Variants in ABCC8 observed in about 807,000 individuals in gnomAD.
The protein encoded by ABCC8 is ATP binding cassette subfamily C member 8.
A neutral mutation model predicts 188.0 loss-of-function variants in ABCC8; 137 were observed. That is an observed-to-expected ratio of 0.73 (90% confidence interval 0.63 to 0.84). ABCC8 has a LOEUF of 0.84. Among genes scored for constraint, ABCC8 ranks in the 40% least tolerant of loss-of-function variants. The pLI is 0.00. For missense variants in ABCC8, 1,750 were observed against 2,072.7 expected (o/e 0.84, Z 3.02); for synonymous variants, 797 against 846.5 (o/e 0.94, Z 1.01).
At chr11:17,421,476 C>T (rs923475853) in intron 16 of ABCC8, among the ~76,000 whole-genome samples, 9 of 152,080 alleles carry the variant, frequency 5.9e-5, no homozygotes, top group Non-Finnish European at 8.8e-5. Context: ...CAAGTGAATT[C>T]GTTTAGCAAA....
intron 26 of ABCC8, 71 bp downstream of exon 26, chr11:17,406,551 A>G: frequency 2.0e-6 from 3 of 1,467,780 alleles, no homozygotes; most frequent in South Asian, 2.5e-5. Context: ...CCCATTTTAT[A>G]GATGGGAAGA....
At chr11:17,474,401 A>AAGGTGGGC (rs1478066061) in intron 2 of ABCC8, among the ~76,000 whole-genome samples, 1 of 152,066 alleles carries the variant, frequency 6.6e-6, no homozygotes, top group Non-Finnish European at 1.5e-5. Context: ...GCCCAAACGG[A>AAGGTGGGC]AGGTGGGCAT....
At chr11:17,425,561 G>A (rs1445603049) in intron 16 of ABCC8, among the ~76,000 whole-genome samples, 9 of 152,236 alleles carry the variant, frequency 5.9e-5, no homozygotes, top group South Asian at 2.1e-4. Flanking sequence ...GGCTACCAGA[G>A]GGCACAGAGC....
At chr11:17,414,047 T>C (rs1954944659) in intron 19 of ABCC8, among the ~76,000 whole-genome samples, 1 of 152,202 alleles carries the variant, frequency 6.6e-6, no homozygotes, top group Non-Finnish European at 1.5e-5. Flanking sequence ...TGGTTCTTCA[T>C]CTGTAGAGTG....
chr11:17,430,638 C>T, intron 12 of ABCC8, 176 bp downstream of exon 12: 1 of 777,260 alleles, frequency 1.3e-6, no homozygotes, highest in Non-Finnish European at 2.3e-6. Context: ...GGATGGCGAG[C>T]TGGGAAACCA....
At chr11:17,397,458 C>T (rs528985781) in intron 31 of ABCC8, 145 bp from the exon 32 acceptor site, 2 of 1,505,540 alleles carry the variant, frequency 1.3e-6, no homozygotes, top group African/African-American at 1.4e-5. Flanking sequence ...AGCAGCCCTC[C>T]CTGGAGGCAC....
In ABCC8 at chr11:17,405,781, C is replaced by T. The variant is rs567967267; in HGVS notation, c.3330-218G>A. Among the ~76,000 whole-genome samples, 12 of 152,330 alleles carry T rather than the reference C, an allele frequency of 7.9e-5. 1 individual carries two copies. The South Asian group carries it at 2.5e-3, about 32-fold the overall frequency. On this transcript the variant is annotated intron_variant, in intron 26 of 38. Coordinates refer to ENST00000389817, the MANE Select transcript of ABCC8 (RefSeq NM_000352.6). ...CGTTAGCCTTTCAGTTTCTCAAGCC[C>T]ATCTGACGACTGCCGCCTTTCTCAG...
At chr11:17,406,069 C>G (rs780388031) in intron 26 of ABCC8, among the ~76,000 whole-genome samples, 5 of 152,262 alleles carry the variant, frequency 3.3e-5, no homozygotes, top group Admixed American at 6.5e-5. Flanking sequence ...ATTGTGAGGT[C>G]TAGCCTCGAC....
At position 17,392,937 on chromosome 11, in the gene ABCC8, A is replaced by G. The variant is rs1953699992; in HGVS notation, c.*54T>C. On this transcript the variant is annotated 3_prime_UTR_variant, in exon 39 of 39. Coordinates refer to ENST00000389817, the MANE Select transcript of ABCC8 (RefSeq NM_000352.6). ...CAAGTGATTTACAGTTAGAAAACCC[A>G]GGCAGGGGTATGGGCAGGGTCCGAA... is the stretch of plus-strand genomic sequence containing the variant. The G allele has an allele frequency of 4.5e-6, 7 of 1,572,164 alleles. No individual in the cohort carries two copies.
rs1373932610 is a variant in ABCC8 at position 17,427,604 on chromosome 11, A to T, written c.2116+263T>A. On this transcript the variant is annotated intron_variant, in intron 15 of 38. Coordinates refer to ENST00000389817, the MANE Select transcript of ABCC8 (RefSeq NM_000352.6). The surrounding 1 kb of genome is among the most constrained non-coding windows in gnomAD (Gnocchi z 5.0). ...TGCGTTCCTTGGCTACCCACTTCTG[A>T]TCTTTTTGTGCATTACCTATACTGT... is the stretch of plus-strand genomic sequence containing the variant. Among the ~76,000 whole-genome samples, 1 of 152,084 alleles carries T rather than the reference A, an allele frequency of 6.6e-6. No homozygotes were observed. The highest frequency in any genetic ancestry group is 2.4e-5 in the African/African-American group (1 of 41,414).
chr11:17,429,880 C>A (rs4148621), intron 12 of ABCC8: 15,626 of 152,236 alleles, frequency 0.1, 944 homozygotes, highest in Non-Finnish European at 0.14. Flanking sequence ...TGAGTTATGC[C>A]CCATTCCATC....
At chr11:17,446,064 C>T (rs905217134) in intron 8 of ABCC8, among the ~76,000 whole-genome samples, 2 of 151,540 alleles carry the variant, frequency 1.3e-5, no homozygotes, top group African/African-American at 4.9e-5. Context: ...CTCCTGGGCT[C>T]AAGCAATTCT....
chr11:17,411,251 C>T (rs889336817), intron 21 of ABCC8, among the ~76,000 whole-genome samples: 8 of 152,226 alleles, frequency 5.3e-5, no homozygotes, highest in African/African-American at 1.9e-4. Flanking sequence ...CTGATTATGG[C>T]ACTCCCAAGA....
rs996618063 is a variant in ABCC8, at chr11:17,398,040, T to A, written c.3754-243A>T. On this transcript the variant is annotated intron_variant, in intron 30 of 38. Coordinates refer to ENST00000389817, the MANE Select transcript of ABCC8 (RefSeq NM_000352.6). Reference sequence around the variant, plus strand: ...CTGCACACCCTTTAACATGCACGCCTCAGCTGGCCCACAAACACACACAAT... The same window carrying A: ...CTGCACACCCTTTAACATGCACGCCACAGCTGGCCCACAAACACACACAAT... Among the ~76,000 whole-genome samples, 694 of 152,232 alleles carry A rather than the reference T, an allele frequency of 4.6e-3. 6 individuals carry two copies. Among genetic ancestry groups the A allele is most frequent in the African/African-American group, 0.016 (657 of 41,518 alleles).
At chr11:17,453,351 T>C in intron 6 of ABCC8, 68 bp from the exon 7 acceptor site, 1 of 1,595,380 alleles carries the variant, frequency 6.3e-7, no homozygotes, top group Non-Finnish European at 8.5e-7. Flanking sequence ...AACACATCAC[T>C]GTGCCATAAT....
intron 33 of ABCC8, 82 bp downstream of exon 33, chr11:17,396,834 C>G: frequency 6.4e-7 from 1 of 1,568,884 alleles, no homozygotes; most frequent in South Asian, 1.1e-5. Context: ...CACGAGGTGA[C>G]TGCGAAGCCA....
At chr11:17,407,192 G>A in intron 24 of ABCC8, 63 bp from the exon 25 acceptor site, 1 of 1,599,722 alleles carries the variant, frequency 6.3e-7, no homozygotes, top group South Asian at 1.1e-5. Flanking sequence ...GTGAATCAGG[G>A]CATTTTATCC....
At chr11:17,449,748 G>C (rs1023457648) in intron 7 of ABCC8, among the ~76,000 whole-genome samples, 1 of 152,144 alleles carries the variant, frequency 6.6e-6, no homozygotes, top group African/African-American at 2.4e-5. Flanking sequence ...TTCCTCTTTT[G>C]TGTAAACCCA....
At chr11:17,408,923 G>T (rs1216234238) in intron 22 of ABCC8, among the ~76,000 whole-genome samples, 2 of 150,738 alleles carry the variant, frequency 1.3e-5, no homozygotes, top group Non-Finnish European at 3.0e-5. Context: ...CTAAGTGTGT[G>T]TGGCCATGCC....
Sources: gnomAD v4.1 joint callset for allele counts (sites outside exome capture counted in the v4.1 genomes callset) on GRCh38, gnomAD v4.1.1 for gene constraint, Gnocchi (gnomAD v3.1) non-coding constraint, MANE v1.5 for transcripts, NCBI Gene and HGNC (gene_info 2026-07-23, HGNC 2026-07-21) for gene names.